The following SORCS1 variants were observed in gnomAD, a reference collection of about 807,000 sequenced individuals.
The protein encoded by SORCS1 is sortilin related VPS10 domain containing receptor 1.
Under a neutral mutation model 146.1 loss-of-function variants are expected in SORCS1, and 60 were observed. That is an observed-to-expected ratio of 0.41 (90% CI 0.33 to 0.51). The LOEUF is 0.51. Ranked by LOEUF, SORCS1 falls within the 20% of genes least tolerant of loss-of-function variation. The pLI, the probability that SORCS1 is intolerant of heterozygous loss-of-function variation, is 0.21. For synonymous variants in SORCS1, 637 were observed against 584.0 expected, an observed-to-expected ratio of 1.09 and a Z score of -1.31; for missense variants, 1,352 against 1,487.6, an observed-to-expected ratio of 0.91 and a Z score of 1.50.
At chr10:106,775,735 G>T (rs1860383121) in intron 4 of SORCS1, among the ~76,000 whole-genome samples, 1 of 152,154 alleles carries the variant, frequency 6.6e-6, no homozygotes, top group African/African-American at 2.4e-5. Context: ...TATCCCTCTG[G>T]TTTTTATGGC....
At chr10:106,739,492 GAAA>G (rs760438849) in intron 5 of SORCS1, among the ~76,000 whole-genome samples, 2 of 116,116 alleles carry the variant, frequency 1.7e-5, no homozygotes, top group African/African-American at 3.3e-5. Context: ...GTCTCAAAAA[GAAA>G]AAAAAAAAAA....
intron 24 of SORCS1, among the ~76,000 whole-genome samples, chr10:106,581,121 G>T (rs940744067): frequency 1.3e-5 from 2 of 152,098 alleles, no homozygotes; most frequent in African/African-American, 4.8e-5. Context: ...CCCTGCAACT[G>T]GTAGGATGTC....
At chr10:106,719,446 C>T (rs537654774) in intron 6 of SORCS1, among the ~76,000 whole-genome samples, 90 of 148,848 alleles carry the variant, frequency 6.0e-4, no homozygotes, top group Non-Finnish European at 9.8e-4. Context: ...TGGAGTCTCG[C>T]TCTGTCGCCA....
chr10:106,709,430 C>G, intron 6 of SORCS1, 89 bp from the exon 7 acceptor site: 2 of 631,758 alleles, frequency 3.2e-6, no homozygotes, highest in Non-Finnish European at 5.3e-6. Context: ...TGATATTTCC[C>G]TTACCATTTC....
At chr10:106,916,575 TACACACACACAC>T (rs59313831) in intron 2 of SORCS1, among the ~76,000 whole-genome samples, 2 of 142,838 alleles carry the variant, frequency 1.4e-5, no homozygotes, top group African/African-American at 2.6e-5. Flanking sequence ...TGCATATATA[TACACACACACAC>T]ACACACACAC....
At chr10:106,648,967 CAGG>C (rs1849659740) in intron 18 of SORCS1, among the ~76,000 whole-genome samples, 1 of 152,088 alleles carries the variant, frequency 6.6e-6, no homozygotes, top group Non-Finnish European at 1.5e-5. Context: ...GGCCACCGAC[CAGG>C]AGAACTATCC....
intron 5 of SORCS1, among the ~76,000 whole-genome samples, chr10:106,740,094 A>G (rs962926008): frequency 6.6e-6 from 1 of 152,224 alleles, no homozygotes; most frequent in Non-Finnish European, 1.5e-5. Flanking sequence ...AAGGGGGGGA[A>G]ATTAGGCACC....
intron 22 of SORCS1, among the ~76,000 whole-genome samples, chr10:106,611,062 AGAGT>A (rs1846950961): frequency 6.6e-6 from 1 of 152,246 alleles, no homozygotes; most frequent in East Asian, 1.9e-4. Flanking sequence ...CCTGGGTGAC[AGAGT>A]GAGACTATAT....
In SORCS1 at chr10:106,948,215, A is replaced by G. The variant is rs919254070; in HGVS notation, c.626+8298T>C. 2.8e-4 allele frequency among the ~76,000 whole-genome samples: 42 copies of G among 152,314 alleles called. 1 individual carries two copies. The highest frequency in any genetic ancestry group is 3.4e-3 in the Middle Eastern group (1 of 294). ...TCACAAAGATATGAAGAGAAAAAAA[A>G]CAATAACTCACCACTACAGATATCA... On this transcript the variant is annotated intron_variant, in intron 2 of 25. Coordinates refer to ENST00000263054, the MANE Select transcript of SORCS1 (RefSeq NM_052918.5).
chr10:106,799,235 T>A lies in SORCS1; in HGVS notation c.727-22543A>T, dbSNP rs531607591. On this transcript the variant is annotated intron_variant, in intron 3 of 25. Transcript: ENST00000263054. ...ACCTTATACAAAAATTAATTCAAGA[T>A]GGATTAGAGACTTAAATGTCAGACC... 2.6e-5 allele frequency among the ~76,000 whole-genome samples: 4 copies of A among 152,312 alleles called. No individual in the cohort carries two copies. In the East Asian group the frequency reaches 7.7e-4, roughly 29 times the overall value.
At chr10:106,808,413 G>C (rs555000205) in intron 3 of SORCS1, among the ~76,000 whole-genome samples, 17 of 152,342 alleles carry the variant, frequency 1.1e-4, no homozygotes, top group Admixed American at 1.0e-3. Flanking sequence ...TGAGCTAACA[G>C]AATATGTGTT....
At chr10:107,003,903 C>G (rs574308360) in intron 1 of SORCS1, among the ~76,000 whole-genome samples, 1 of 152,146 alleles carries the variant, frequency 6.6e-6, no homozygotes, top group South Asian at 2.1e-4. Flanking sequence ...CGGCTGGGTG[C>G]GGTGGCTCAT....
At chr10:106,824,416 C>A (rs1487967257) in intron 3 of SORCS1, among the ~76,000 whole-genome samples, 1 of 151,678 alleles carries the variant, frequency 6.6e-6, no homozygotes, top group African/African-American at 2.4e-5. Context: ...ATGGTAAAAC[C>A]CCACCTCTAC....
At chr10:107,164,756 C>A (rs1590287360), upstream of SORCS1, among the ~76,000 whole-genome samples, 2 of 149,638 alleles carry the variant, frequency 1.3e-5, no homozygotes, top group African/African-American at 4.9e-5. This position sits in a 1 kb window ranked among gnomAD's most constrained non-coding sequence, Gnocchi z 6.8. Context: ...GGGGGTGGAG[C>A]TGAGCTGAAG....
chr10:107,134,594 G>A (rs967789541), intron 1 of SORCS1, among the ~76,000 whole-genome samples: 5 of 152,042 alleles, frequency 3.3e-5, no homozygotes, highest in Admixed American at 6.5e-5. Flanking sequence ...AGCCGAGATC[G>A]CGCCACTGCA....
intron 1 of SORCS1, among the ~76,000 whole-genome samples, chr10:107,118,450 A>G (rs1966182646): frequency 6.6e-6 from 1 of 152,210 alleles, no homozygotes; most frequent in African/African-American, 2.4e-5. Context: ...GTTGAATGGG[A>G]TCATATCATA....
chr10:107,086,554 G>A (rs773341892), intron 1 of SORCS1, among the ~76,000 whole-genome samples: 5 of 152,208 alleles, frequency 3.3e-5, no homozygotes, highest in African/African-American at 9.6e-5. Flanking sequence ...TTTTGACTTC[G>A]CCATTTATAG....
intron 5 of SORCS1, among the ~76,000 whole-genome samples, chr10:106,731,807 A>T (rs1309862114): frequency 6.6e-6 from 1 of 152,194 alleles, no homozygotes; most frequent in Non-Finnish European, 1.5e-5. Flanking sequence ...ATATTCATAG[A>T]TATAGTTCCT....
chr10:106,795,738 T>A (rs950095076), intron 3 of SORCS1, among the ~76,000 whole-genome samples: 1 of 152,142 alleles, frequency 6.6e-6, no homozygotes, highest in Admixed American at 6.5e-5. Context: ...TTGCTACAAC[T>A]CTAGAATTAA....
Sources: gnomAD v4.1 joint callset for allele counts (sites outside exome capture counted in the v4.1 genomes callset) on GRCh38, gnomAD v4.1.1 for gene constraint, Gnocchi (gnomAD v3.1) non-coding constraint, MANE v1.5 for transcripts, NCBI Gene and HGNC (gene_info 2026-07-23, HGNC 2026-07-21) for gene names.